The following E2F6 variants were observed in gnomAD, a reference collection of about 807,000 sequenced individuals.
E2F6 encodes the protein transcription factor E2F6.
E2F6 carries 19 observed loss-of-function variants against 31.5 expected under a neutral mutation model. The observed-to-expected ratio is 0.60, with a 90% CI of 0.42 to 0.89. The LOEUF (loss-of-function observed/expected upper bound fraction) is 0.89, where lower values mean the gene tolerates loss of function less well. Ranked by LOEUF, E2F6 falls within the 40% of genes least tolerant of loss-of-function variation. The probability of loss-of-function intolerance (pLI) is 0.00; values close to 1 mark genes in which losing one functional copy is unlikely to be tolerated. For missense variants in E2F6, 269 were observed against 341.6 expected, an observed-to-expected ratio of 0.79 and a Z score of 1.67; for synonymous variants, 121 against 127.7, an observed-to-expected ratio of 0.95 and a Z score of 0.36.
Position 11,465,858 on chromosome 2 carries a change from T to G in E2F6, c.22A>C (p.Arg8=). Residue 8 remains arginine (R), a synonymous_variant, in exon 1 of 7, where the codon AGG becomes CGG. Coordinates refer to ENST00000381525, the MANE Select transcript of E2F6 (RefSeq NM_198256.4). The part of the protein sequence containing the change: MSQQRPA[R]KLPSLLLDPT... ...TCCAGGAGGAGACTGGGTAACTTCCTCGCCGGCCGCTGCTGACTCATGCTG... is the reference window on the plus strand; with the variant it reads ...TCCAGGAGGAGACTGGGTAACTTCCGCGCCGGCCGCTGCTGACTCATGCTG... The G allele has an allele frequency of 6.4e-7, 1 of 1,569,634 alleles. No homozygotes were observed. Among genetic ancestry groups the G allele is most frequent in the South Asian group, 1.2e-5 (1 of 85,578 alleles).
chr2:11,454,362 T>C (rs1352357571), intron 2 of E2F6, among the ~76,000 whole-genome samples: 1 of 151,890 alleles, frequency 6.6e-6, no homozygotes, highest in African/African-American at 2.4e-5. Flanking sequence ...CTTTTTTTTT[T>C]TTTTTTGAGA....
At chr2:11,459,139 A>T (rs1671601610) in intron 1 of E2F6, among the ~76,000 whole-genome samples, 1 of 152,056 alleles carries the variant, frequency 6.6e-6, no homozygotes, top group African/African-American at 2.4e-5. Flanking sequence ...TTTGAAACAC[A>T]CATAAACAAA....
rs1450138828 is a variant in E2F6, at chr2:11,450,056, T to C, written c.607A>G (p.Lys203Glu). ...AFHEQIVIAV[K>E]APAETRLDVP... ...TCCAATCTGGTTTCTGCTGGAGCTT[T>C]AACTGCAATGACGATCTGTTCATGG... is the stretch of plus-strand genomic sequence containing the variant. Residue 203 changes from lysine (K) to glutamate (E), a missense_variant, in exon 5 of 7, where the codon AAA (lysine) becomes GAA (glutamate). Lys to Glu is a moderately conservative substitution (Grantham distance 56). Transcript: ENST00000381525. 48 of 1,613,584 alleles carry C rather than the reference T, an allele frequency of 3.0e-5. No individual in the cohort carries two copies. Among genetic ancestry groups the C allele is most frequent in the Non-Finnish European group, 4.0e-5 (47 of 1,179,756 alleles).
At chr2:11,464,948 G>C (rs947318744) in intron 1 of E2F6, among the ~76,000 whole-genome samples, 1 of 151,942 alleles carries the variant, frequency 6.6e-6, no homozygotes, top group Non-Finnish European at 1.5e-5. Flanking sequence ...GGTCGGGCTC[G>C]GTGGATCACC....
At chr2:11,465,496 G>A (rs1007754690) in intron 1 of E2F6, among the ~76,000 whole-genome samples, 1 of 152,184 alleles carries the variant, frequency 6.6e-6, no homozygotes, top group Non-Finnish European at 1.5e-5. Context: ...TCCATAGAAG[G>A]AGATAAACAT....
At chr2:11,462,349 A>T (rs1443259293) in intron 1 of E2F6, among the ~76,000 whole-genome samples, 7 of 152,248 alleles carry the variant, frequency 4.6e-5, no homozygotes, top group African/African-American at 1.7e-4. Flanking sequence ...ATGTGATAAC[A>T]TTTAATTTAT....
At chr2:11,460,509 G>A (rs1261511475) in intron 1 of E2F6, among the ~76,000 whole-genome samples, 2 of 152,134 alleles carry the variant, frequency 1.3e-5, no homozygotes, top group Non-Finnish European at 2.9e-5. Flanking sequence ...ACTGAGCCAT[G>A]CTACCAGCAT....
At chr2:11,447,314 G>T (rs917187926) in intron 6 of E2F6, among the ~76,000 whole-genome samples, 1 of 152,146 alleles carries the variant, frequency 6.6e-6, no homozygotes, top group African/African-American at 2.4e-5. Context: ...GAAGTCTCCC[G>T]GCCAGGTCAT....
intron 1 of E2F6, among the ~76,000 whole-genome samples, chr2:11,463,948 C>CGGGGGTGGG (rs1553336591): frequency 1.4e-5 from 1 of 71,626 alleles, no homozygotes; most frequent in African/African-American, 4.9e-5. Flanking sequence ...GATCCTGCAC[C>CGGGGGTGGG]GGGGGGGGGG....
At chr2:11,454,271 G>A (rs1472482938) in intron 2 of E2F6, among the ~76,000 whole-genome samples, 1 of 151,826 alleles carries the variant, frequency 6.6e-6, no homozygotes, top group African/African-American at 2.4e-5. Context: ...TAAGTTGTCT[G>A]ATGAATTTTT....
intron 3 of E2F6, among the ~76,000 whole-genome samples, chr2:11,452,973 C>G (rs1386174375): frequency 6.6e-6 from 1 of 152,112 alleles, no homozygotes; most frequent in African/African-American, 2.4e-5. Context: ...TTTTCATTTG[C>G]CTGAGAGGTC....
Position 11,465,955 on chromosome 2 carries a change from C to G in E2F6, c.-76G>C, listed in dbSNP as rs974784966. On this transcript the variant is annotated 5_prime_UTR_variant, in exon 1 of 7. Coordinates refer to ENST00000381525, the MANE Select transcript of E2F6 (RefSeq NM_198256.4). ...CCTCTCGCGCTCAGCTCGAGCACCG[C>G]CCCCCACGCGCCGATTTCCAAGGGC... is the stretch of plus-strand genomic sequence containing the variant. The G allele has an allele frequency of 7.6e-7, 1 of 1,314,886 alleles. No homozygotes were observed. The highest frequency in any genetic ancestry group is 1.0e-6 in the Non-Finnish European group (1 of 984,812). The allele number at this position is 1,314,886 out of a possible 1,614,324, so 81.5% of individuals were successfully genotyped here.
In E2F6 at chr2:11,449,999, C is replaced by T. The variant is rs1052647878; in HGVS notation, c.651+13G>A. 4 of 1,593,320 alleles carry T rather than the reference C, an allele frequency of 2.5e-6. No individual in the cohort carries two copies. The African/African-American group carries it at 5.4e-5, about 21-fold the overall frequency. ...CCCTCTTTAAATCTTTTTAAAAATG[C>T]AGGGTTACCTACTTCTCTGGGAGCT... On this transcript the variant is annotated intron_variant, in intron 5 of 6. Transcript: ENST00000381525.
rs1230689572 is a variant in E2F6, at chr2:11,466,098, G to C, written c.-219C>G. 1.2e-5 allele frequency: 6 copies of C among 503,214 alleles called. No individual in the cohort carries two copies. The South Asian group carries it at 1.7e-4, about 14-fold the overall frequency. 31.2% of individuals were successfully genotyped at this position (503,214 alleles called of 1,614,324 possible). ...GGAGCTCCCGACGCAGACGGAAAAA[G>C]AGGAGGGAGACCCGCGGATCTCAAG... On this transcript the variant is annotated 5_prime_UTR_variant, in exon 1 of 7. Coordinates refer to ENST00000381525, the MANE Select transcript of E2F6 (RefSeq NM_198256.4).
In E2F6 at chr2:11,465,980, C is replaced by T; in HGVS notation, c.-101G>A. On this transcript the variant is annotated 5_prime_UTR_variant, in exon 1 of 7. Coordinates refer to ENST00000381525, the MANE Select transcript of E2F6 (RefSeq NM_198256.4). ...CCCCCCACGCGCCGATTTCCAAGGG[C>T]CCAGCACCTAAGGGGTCCGCGGCTT... 2.7e-6 allele frequency: 3 copies of T among 1,121,802 alleles called. No individual in the cohort carries two copies. Among genetic ancestry groups the T allele is most frequent in the South Asian group, 1.7e-5 (1 of 60,118 alleles). The allele number at this position is 1,121,802 out of a possible 1,614,324, so 69.5% of individuals were successfully genotyped here.
chr2:11,446,235 T>C lies in E2F6; in HGVS notation c.*242A>G. 1 of 477,506 alleles carries C rather than the reference T, an allele frequency of 2.1e-6. No individual in the cohort carries two copies. The highest frequency in any genetic ancestry group is 3.7e-6 in the Non-Finnish European group (1 of 267,246). The allele number at this position is 477,506 out of a possible 1,614,324, so 29.6% of individuals were successfully genotyped here. A position where few individuals can be genotyped will look rare whatever the true frequency, so the allele number is the denominator to read the frequency against. On this transcript the variant is annotated 3_prime_UTR_variant, in exon 7 of 7. Transcript: ENST00000381525. The stretch of plus-strand genomic sequence containing the variant: ...GATGAAGCTACTTCAGGAGGCAAGA[T>C]GTCTATTTCACTGACAAAAAGCAGT...
chr2:11,462,178 C>G (rs2148362621), intron 1 of E2F6, among the ~76,000 whole-genome samples: 1 of 152,280 alleles, frequency 6.6e-6, no homozygotes, highest in East Asian at 1.9e-4. Context: ...ATTGGTCTGT[C>G]TCTCTGGAGA....
At chr2:11,446,744 G>A (rs1168416306) in intron 6 of E2F6, among the ~76,000 whole-genome samples, 2 of 152,172 alleles carry the variant, frequency 1.3e-5, no homozygotes, top group Non-Finnish European at 2.9e-5. Flanking sequence ...ACCCGTCCGA[G>A]AATGGAGGAA....
rs1158329973 is a variant in E2F6, at chr2:11,446,238, C to T, written c.*239G>A. 6.1e-6 allele frequency: 3 copies of T among 490,108 alleles called. No individual in the cohort carries two copies. The highest frequency in any genetic ancestry group is 5.9e-5 in the South Asian group (2 of 33,898). The allele number at this position is 490,108 out of a possible 1,614,324, so 30.4% of individuals were successfully genotyped here. On this transcript the variant is annotated 3_prime_UTR_variant, in exon 7 of 7. Transcript: ENST00000381525. ...GAAGCTACTTCAGGAGGCAAGATGT[C>T]TATTTCACTGACAAAAAGCAGTGAA...
Sources: allele counts gnomAD v4.1 joint callset (sites outside exome capture counted in the v4.1 genomes callset), GRCh38; gene constraint gnomAD v4.1.1; transcripts MANE v1.5; gene names NCBI Gene and HGNC (gene_info 2026-07-23, HGNC 2026-07-21).